The following CNBD2 variants were observed in gnomAD, a reference collection of about 807,000 sequenced individuals.
The protein encoded by CNBD2 is cyclic nucleotide binding domain containing 2.
Under a neutral mutation model 63.7 loss-of-function variants are expected in CNBD2, and 64 were observed. The observed-to-expected ratio is 1.00, with a 90% confidence interval of 0.82 to 1.24. CNBD2 has a LOEUF of 1.24. CNBD2 is among the 50% of genes most tolerant of loss of function. The pLI is 0.00. For synonymous variants in CNBD2, 229 were observed against 255.4 expected, an observed-to-expected ratio of 0.90 and a Z score of 0.99; for missense variants, 691 against 713.5, an observed-to-expected ratio of 0.97 and a Z score of 0.36.
intron 8 of CNBD2, among the ~76,000 whole-genome samples, chr20:36,004,192 G>A (rs1238182394): frequency 6.6e-6 from 1 of 152,208 alleles, no homozygotes; most frequent in Non-Finnish European, 1.5e-5. Flanking sequence ...ACACAAGTGT[G>A]TGACTAGTAG....
chr20:35,977,721 G>T (rs1331618373), intron 3 of CNBD2, among the ~76,000 whole-genome samples: 1 of 152,152 alleles, frequency 6.6e-6, no homozygotes, highest in East Asian at 1.9e-4. Context: ...AGCCCTCTGA[G>T]TGATGCTAAT....
At chr20:35,997,581 A>G (rs764033378) in intron 8 of CNBD2, among the ~76,000 whole-genome samples, 1 of 152,210 alleles carries the variant, frequency 6.6e-6, no homozygotes, top group Non-Finnish European at 1.5e-5. Flanking sequence ...AGTGGGCCCT[A>G]TGTCTAAGTG....
intron 1 of CNBD2, among the ~76,000 whole-genome samples, chr20:35,972,254 C>G (rs1189287704): frequency 3.3e-5 from 5 of 152,158 alleles, no homozygotes; most frequent in African/African-American, 1.2e-4. Flanking sequence ...CTATCTGATT[C>G]TAAAATCCAG....
intron 1 of CNBD2, among the ~76,000 whole-genome samples, chr20:35,971,012 A>C (rs1171023126): frequency 7.5e-6 from 1 of 132,966 alleles, no homozygotes; most frequent in African/African-American, 2.9e-5. Flanking sequence ...CAGTGGCGGG[A>C]TCTCGGCTCA....
chr20:36,015,557 T>C (rs955381633), intron 10 of CNBD2, among the ~76,000 whole-genome samples: 1 of 152,084 alleles, frequency 6.6e-6, no homozygotes, highest in African/African-American at 2.4e-5. Flanking sequence ...ATACACAGGA[T>C]GAGTCTAGAA....
chr20:36,014,756 T>C (rs889437894), intron 10 of CNBD2, among the ~76,000 whole-genome samples: 1 of 152,018 alleles, frequency 6.6e-6, no homozygotes, highest in Non-Finnish European at 1.5e-5. Flanking sequence ...CTCAGTATTC[T>C]GAATAGCTGA....
At chr20:35,995,735 A>G (rs1179926401) in intron 8 of CNBD2, among the ~76,000 whole-genome samples, 4 of 152,276 alleles carry the variant, frequency 2.6e-5, no homozygotes, top group South Asian at 2.1e-4. Flanking sequence ...GAACATTTGT[A>G]TGCAAGTTTT....
intron 10 of CNBD2, among the ~76,000 whole-genome samples, chr20:36,013,327 A>G (rs1362216697): frequency 1.3e-5 from 2 of 152,124 alleles, no homozygotes; most frequent in East Asian, 3.9e-4. Context: ...CTGAGGCAGA[A>G]GAGTTGCTTG....
Position 35,972,519 on chromosome 20 carries a change from A to C in CNBD2, c.52-110A>C. The C allele has an allele frequency of 3.0e-6, 3 of 1,015,204 alleles. No individual in the cohort carries two copies. The South Asian group carries it at 4.4e-5, about 15-fold the overall frequency. 62.9% of individuals were successfully genotyped at this position (1,015,204 alleles called of 1,614,324 possible). ...CCATCACTCCAGCACACTACAGCAC[A>C]CTACTGCATTTAATCCTGGTAAATT... On this transcript the variant is annotated intron_variant, in intron 1 of 11. Coordinates refer to ENST00000373973, the MANE Select transcript of CNBD2 (RefSeq NM_001365709.1).
At chr20:35,972,356 G>C (rs2056431389) in intron 1 of CNBD2, among the ~76,000 whole-genome samples, 1 of 152,144 alleles carries the variant, frequency 6.6e-6, no homozygotes, top group Non-Finnish European at 1.5e-5. Flanking sequence ...CTGGTTTGCT[G>C]GTGCATAACA....
chr20:36,011,040 G>T (rs1357922616), intron 9 of CNBD2, 97 bp from the exon 10 acceptor site: 3 of 1,222,254 alleles, frequency 2.5e-6, no homozygotes, highest in African/African-American at 1.6e-5. Context: ...CCAGGGAGGG[G>T]AGCCCTCCAT....
intron 11 of CNBD2, among the ~76,000 whole-genome samples, chr20:36,026,439 G>T (rs1342918800): frequency 1.3e-5 from 2 of 152,100 alleles, no homozygotes; most frequent in Non-Finnish European, 2.9e-5. Flanking sequence ...CTGTGTTCTT[G>T]TTAAAACCCT....
intron 2 of CNBD2, 84 bp from the exon 3 acceptor site, chr20:35,975,865 C>T: frequency 3.2e-6 from 4 of 1,247,408 alleles, no homozygotes; most frequent in Non-Finnish European, 4.7e-6. Context: ...CATGGTGGTC[C>T]AGGTAGACAG....
chr20:36,020,126 A>C (rs973396462), intron 10 of CNBD2, among the ~76,000 whole-genome samples: 1 of 151,732 alleles, frequency 6.6e-6, no homozygotes, highest in Non-Finnish European at 1.5e-5. Context: ...TGTGTCGCCC[A>C]GGCTGGAGTG....
At chr20:35,977,106 A>C (rs576327440) in intron 3 of CNBD2, among the ~76,000 whole-genome samples, 4 of 152,324 alleles carry the variant, frequency 2.6e-5, no homozygotes, top group African/African-American at 9.6e-5. Context: ...TCTTTCCTTC[A>C]GGCAGGAGAA....
downstream of CNBD2, among the ~76,000 whole-genome samples, chr20:35,955,844 C>T (rs571193890): frequency 6.6e-6 from 1 of 152,086 alleles, no homozygotes; most frequent in Non-Finnish European, 1.5e-5. Flanking sequence ...CTCCGCCTCC[C>T]GAGTAGCTGG....
chr20:36,018,452 C>G (rs564424177), intron 10 of CNBD2, among the ~76,000 whole-genome samples: 1 of 152,342 alleles, frequency 6.6e-6, no homozygotes, highest in East Asian at 1.9e-4. Flanking sequence ...GTTAACATGA[C>G]CCCTTTGAAG....
At chr20:36,011,412 C>T (rs1202811283) in intron 10 of CNBD2, among the ~76,000 whole-genome samples, 155 bp downstream of exon 10, 2 of 152,174 alleles carry the variant, frequency 1.3e-5, no homozygotes, top group African/African-American at 2.4e-5. Context: ...ATAGGCCGGG[C>T]GCGGTGGCTC....
At chr20:35,982,711 T>G (rs1386212591) in intron 4 of CNBD2, among the ~76,000 whole-genome samples, 2 of 151,844 alleles carry the variant, frequency 1.3e-5, no homozygotes, top group Non-Finnish European at 2.9e-5. Context: ...AAAGTCTGTG[T>G]TGTTCATTGT....
Sources: allele counts gnomAD v4.1 joint callset (sites outside exome capture counted in the v4.1 genomes callset), GRCh38; gene constraint gnomAD v4.1.1; transcripts MANE v1.5; gene names NCBI Gene and HGNC (gene_info 2026-07-23, HGNC 2026-07-21).